Variants in MUC12 observed in about 807,000 individuals in gnomAD.
The protein encoded by MUC12 is mucin-12.
In MUC12, 172 loss-of-function variants were observed where a neutral mutation model predicts 230.8. That is an observed-to-expected ratio of 0.75 (90% CI 0.66 to 0.85). The LOEUF is 0.85. MUC12 is among the 40% of genes least tolerant of loss of function. The pLI is 0.00. For missense variants in MUC12, 3,506 were observed against 5,920.6 expected (o/e 0.59, Z 13.38); for synonymous variants, 1,259 against 2,401.9 (o/e 0.52, Z 13.91).
chr7:101,004,345 A>T lies in MUC12; in HGVS notation c.13782A>T (p.Thr4594=). ...TATTPSPARS[T]TSGLVEESTA... is the part of the protein sequence containing the mutation. ...CAACACCCTCGCCTGCCCGCTCCAC[A>T]ACCTCAGGCCTCGTTGAAGAATCTA... Residue 4594 remains threonine, a synonymous_variant, in exon 2 of 12, where the codon ACA becomes ACT. Coordinates refer to ENST00000536621, the MANE Select transcript of MUC12 (RefSeq NM_001164462.2). The T allele has an allele frequency of 7.4e-7, 1 of 1,349,222 alleles. No individual in the cohort carries two copies. Among genetic ancestry groups the T allele is most frequent in the Non-Finnish European group, 9.8e-7 (1 of 1,020,100 alleles). The allele number at this position is 1,349,222 out of a possible 1,614,324, so 83.6% of individuals were successfully genotyped here.
chr7:100,982,106 A>G (rs1282482589), intron 1 of MUC12, among the ~76,000 whole-genome samples: 1 of 151,764 alleles, frequency 6.6e-6, no homozygotes, highest in African/African-American at 2.4e-5. Flanking sequence ...ACCTCAGGTG[A>G]TCTGCCTGCC....
At chr7:101,009,307 C>G in intron 5 of MUC12, 148 bp downstream of exon 5, 1 of 788,284 alleles carries the variant, frequency 1.3e-6, no homozygotes, top group Non-Finnish European at 2.1e-6. Flanking sequence ...GGGGCTGTGA[C>G]ACCTTTCATT....
intron 1 of MUC12, among the ~76,000 whole-genome samples, chr7:100,980,931 A>G (rs971906305): frequency 2.0e-5 from 3 of 152,050 alleles, no homozygotes; most frequent in Non-Finnish European, 4.4e-5. Context: ...GAAAAAAAAA[A>G]TGGTATGACT....
In MUC12 at chr7:100,990,916, C is replaced by A. The variant is rs768674385; in HGVS notation, c.353C>A (p.Ser118Ter). 2 of 1,537,852 alleles carry A rather than the reference C, an allele frequency of 1.3e-6. No homozygotes were observed. Among genetic ancestry groups the A allele is most frequent in the South Asian group, 1.2e-5 (1 of 84,050 alleles). ...EPKTSPITSA[S>*]METTALPGST... ...AAAACCTCACCCATCACTTCAGCCTCAATGGAAACAACAGCGTTACCTGGC... is the reference window on the plus strand; with the variant it reads ...AAAACCTCACCCATCACTTCAGCCTAAATGGAAACAACAGCGTTACCTGGC... The change falls in exon 2 of 12, where the codon TCA becomes TAA. Residue 118 changes from serine (S) to a stop codon, truncating the protein, a stop_gained. Coordinates refer to ENST00000536621, the MANE Select transcript of MUC12 (RefSeq NM_001164462.2). LOFTEE classifies it high-confidence loss of function.
Position 100,995,652 on chromosome 7 carries a change from G to A in MUC12, c.5089G>A (p.Asp1697Asn). 3.9e-6 allele frequency: 6 copies of A among 1,537,116 alleles called. No homozygotes were observed. In the South Asian group the frequency reaches 7.1e-5, roughly 18 times the overall value. Residue 1697 changes from aspartate (D) to asparagine (N), a missense_variant, in exon 2 of 12, where the codon GAC becomes AAC. Physicochemically the swap from Asp to Asn is conservative, Grantham distance 23 (BLOSUM62 1). Coordinates refer to ENST00000536621, the MANE Select transcript of MUC12 (RefSeq NM_001164462.2). ...TTFQSWPSSK[D>N]TMPAPPTTTS... is the part of the protein sequence containing the mutation. ...CTTCCAGAGCTGGCCAAGCTCAAAG[G>A]ACACTATGCCTGCACCTCCTACTAC...
chr7:100,970,718 A>G (rs988261140), intron 1 of MUC12, among the ~76,000 whole-genome samples: 1 of 152,036 alleles, frequency 6.6e-6, no homozygotes, highest in Non-Finnish European at 1.5e-5. Flanking sequence ...CCAAAAATAT[A>G]AAAATTAGCT....
In MUC12 at chr7:101,008,780, C is replaced by G. The variant is rs774910475; in HGVS notation, c.15186+19C>G. 6.5e-7 allele frequency: 1 copy of G among 1,534,546 alleles called. No homozygotes were observed. Among genetic ancestry groups the G allele is most frequent in the East Asian group, 2.4e-5 (1 of 40,864 alleles). On this transcript the variant is annotated intron_variant, in intron 4 of 11. Transcript: ENST00000536621. ...GAATCGGGTAAGACCAGGGCACACC[C>G]AGACACCCCAGGGTGATGTCCCACG...
chr7:101,005,411 G>A lies in MUC12; in HGVS notation c.14848G>A (p.Ala4950Thr). 1 of 1,537,874 alleles carries A rather than the reference G, an allele frequency of 6.5e-7. No homozygotes were observed. The highest frequency in any genetic ancestry group is 8.7e-7 in the Non-Finnish European group (1 of 1,147,056). ...CCCTACTTACACAACACTCTTTCCTGCGAGTTCCAGCACATCAGGCCTCAC... is the reference window on the plus strand; with the variant it reads ...CCCTACTTACACAACACTCTTTCCTACGAGTTCCAGCACATCAGGCCTCAC... ...PSPTYTTLFPASSSTSGLTEE... is the reference protein window; with the variant it reads ...PSPTYTTLFPTSSSTSGLTEE... Residue 4950 changes from alanine to threonine, a missense_variant, in exon 2 of 12, where the codon GCG becomes ACG. Physicochemically the swap from Ala to Thr is moderately conservative, Grantham distance 58. Transcript: ENST00000536621.
rs531209515 is a variant in MUC12, at chr7:100,977,555, G to A, written c.67+7866G>A. Reference sequence around the variant, plus strand: ...TAAGTTTTGTATTTTTAGTAGAGACGGGGTTTCACCATGTCGGTCAGGCTG... The same window carrying A: ...TAAGTTTTGTATTTTTAGTAGAGACAGGGTTTCACCATGTCGGTCAGGCTG... On this transcript the variant is annotated intron_variant, in intron 1 of 11. Transcript: ENST00000536621. 7.9e-5 allele frequency among the ~76,000 whole-genome samples: 12 copies of A among 152,096 alleles called. No homozygotes were observed. In the South Asian group the frequency reaches 8.3e-4, roughly 11 times the overall value.
At position 100,993,519 on chromosome 7, in the gene MUC12, G is replaced by C. The variant is rs1584833536; in HGVS notation, c.2956G>C (p.Gly986Arg). ...GTCCCCTGCCAGCTCCACAAGCCCT[G>C]GACTTCAGGGAGAATCTACTGCCTT... is the stretch of plus-strand genomic sequence containing the variant. ...TLSPASSTSP[G>R]LQGESTAFQT... is the part of the protein sequence containing the mutation. The change falls in exon 2 of 12, where the codon GGA becomes CGA. Residue 986 changes from glycine (G) to arginine (R), a missense_variant. Physicochemically the swap from Gly to Arg is moderately radical, Grantham distance 125 (BLOSUM62 -2). Transcript: ENST00000536621. The C allele has an allele frequency of 9.9e-7, 1 of 1,012,372 alleles. No individual in the cohort carries two copies. The highest frequency in any genetic ancestry group is 1.3e-6 in the Non-Finnish European group (1 of 752,146). 62.7% of individuals were successfully genotyped at this position (1,012,372 alleles called of 1,614,324 possible).
intron 8 of MUC12, 98 bp from the exon 9 acceptor site, chr7:101,013,815 G>T (rs1054526046): frequency 7.4e-7 from 1 of 1,343,310 alleles, no homozygotes; most frequent in African/African-American, 1.5e-5. Flanking sequence ...TGGAGTGAGG[G>T]AGATCTGGTT....
At chr7:100,988,687 G>T (rs929791813) in intron 1 of MUC12, among the ~76,000 whole-genome samples, 1 of 152,120 alleles carries the variant, frequency 6.6e-6, no homozygotes, top group African/African-American at 2.4e-5. Flanking sequence ...AGGGTTAGAG[G>T]TCAAAGGGGT....
chr7:100,991,596 C>T lies in MUC12; in HGVS notation c.1033C>T (p.Pro345Ser), dbSNP rs61745827. ...SSPVATATTP[P>S]PARSATSGHV... ...CCCAGTTGCAACTGCAACAACACCCCCACCTGCCCGCTCCGCGACCTCAGG... is the reference window on the plus strand; with the variant it reads ...CCCAGTTGCAACTGCAACAACACCCTCACCTGCCCGCTCCGCGACCTCAGG... The change falls in exon 2 of 12, where the codon CCA becomes TCA. Residue 345 changes from proline to serine, a missense_variant. By Grantham distance (74) the Pro-to-Ser change is moderately conservative. Transcript: ENST00000536621. 1,151 of 1,511,572 alleles carry T rather than the reference C, an allele frequency of 7.6e-4. 3 individuals carry two copies. Among genetic ancestry groups the T allele is most frequent in the Non-Finnish European group, 8.0e-4 (909 of 1,130,980 alleles). 93.6% of individuals were successfully genotyped at this position (1,511,572 alleles called of 1,614,324 possible). A position where few individuals can be genotyped will look rare whatever the true frequency, so the allele number is the denominator to read the frequency against.
In MUC12 at chr7:100,995,596, G is replaced by T. The variant is rs535733415; in HGVS notation, c.5033G>T (p.Gly1678Val). 6.5e-6 allele frequency: 10 copies of T among 1,536,806 alleles called. No individual in the cohort carries two copies. Among genetic ancestry groups the T allele is most frequent in the African/African-American group, 2.8e-5 (2 of 72,232 alleles). Residue 1678 changes from glycine (G) to valine (V), a missense_variant, in exon 2 of 12, where the codon GGC becomes GTC. Physicochemically the swap from Gly to Val is moderately radical, Grantham distance 109 (BLOSUM62 -3). Coordinates refer to ENST00000536621, the MANE Select transcript of MUC12 (RefSeq NM_001164462.2). Reference sequence around the variant, plus strand: ...CCACACACAACACTGTCCCCTGCCGGCTCTACAACACGTCAGGGAGAATCT... The same window carrying T: ...CCACACACAACACTGTCCCCTGCCGTCTCTACAACACGTCAGGGAGAATCT... ...GSPHTTLSPA[G>V]STTRQGESTT...
At position 100,991,836 on chromosome 7, in the gene MUC12, C is replaced by T. The variant is rs199601698; in HGVS notation, c.1273C>T (p.Arg425Cys). The T allele has an allele frequency of 3.6e-4, 555 of 1,537,474 alleles. 1 individual carries two copies. The highest frequency in any genetic ancestry group is 2.0e-4 in the Admixed American group (10 of 50,992). The change falls in exon 2 of 12, where the codon CGT becomes TGT. Residue 425 changes from arginine (R) to cysteine (C), a missense_variant. By Grantham distance (180) the Arg-to-Cys change is radical (BLOSUM62 -3). Coordinates refer to ENST00000536621, the MANE Select transcript of MUC12 (RefSeq NM_001164462.2). ...SLGSTETTHF[R>C]DSSTISGRSE... is the part of the protein sequence containing the mutation. ...GGGCTCAACTGAAACAACACACTTC[C>T]GTGATAGCTCCACAATCTCAGGCCG...
intron 5 of MUC12, among the ~76,000 whole-genome samples, chr7:101,011,986 C>T (rs539098956): frequency 6.6e-6 from 1 of 152,154 alleles, no homozygotes; most frequent in African/African-American, 2.4e-5. Flanking sequence ...AGCAGCTGCA[C>T]TATTTTACTT....
At chr7:100,971,061 C>T (rs1792872928) in intron 1 of MUC12, among the ~76,000 whole-genome samples, 1 of 151,904 alleles carries the variant, frequency 6.6e-6, no homozygotes, top group African/African-American at 2.4e-5. Context: ...GAGGCTGAGG[C>T]AGGAGAATCA....
intron 5 of MUC12, among the ~76,000 whole-genome samples, chr7:101,010,156 G>C (rs892622551): frequency 9.2e-5 from 14 of 152,074 alleles, no homozygotes; most frequent in African/African-American, 3.1e-4. Context: ...GAGGAACGAG[G>C]GCAGATTTCT....
In MUC12 at chr7:100,990,695, C is replaced by T; in HGVS notation, c.132C>T (p.Asp44=). ...CTGCATCCACACCCAGTTCAAGCGA[C>T]CCTTTTACCACCTTTAGTGACTATG... ...TTSASTPSSS[D]PFTTFSDYGV... is the part of the protein sequence containing the mutation. Residue 44 remains aspartate (D), a synonymous_variant, in exon 2 of 12, where the codon GAC becomes GAT. Coordinates refer to ENST00000536621, the MANE Select transcript of MUC12 (RefSeq NM_001164462.2). 6.5e-7 allele frequency: 1 copy of T among 1,537,872 alleles called. No homozygotes were observed. Among genetic ancestry groups the T allele is most frequent in the Non-Finnish European group, 8.7e-7 (1 of 1,147,046 alleles).
Sources: gnomAD v4.1 joint callset for allele counts (sites outside exome capture counted in the v4.1 genomes callset) on GRCh38, gnomAD v4.1.1 for gene constraint, MANE v1.5 for transcripts, NCBI Gene and HGNC (gene_info 2026-07-23, HGNC 2026-07-21) for gene names.